The following DMD variants were observed in gnomAD, a reference collection of about 807,000 sequenced individuals.
DMD encodes dystrophin, also known as mutant dystrophin.
DMD carries 63 observed loss-of-function variants against 330.1 expected under a neutral mutation model. The observed-to-expected ratio is 0.19, with a 90% CI of 0.16 to 0.24. The LOEUF is 0.24. Ranked by LOEUF, DMD falls within the 10% of genes least tolerant of loss-of-function variation. The pLI is 1.00. For missense variants in DMD, 3,344 were observed against 2,684.1 expected (o/e 1.25, Z -5.43); for synonymous variants, 1,223 against 959.8 (o/e 1.27, Z -5.07).
chrX:31,201,650 C>A (rs963493656), intron 67 of DMD, among the ~76,000 whole-genome samples: 2 of 111,764 alleles, frequency 1.8e-5, no homozygotes, highest in Non-Finnish European at 1.9e-5. Context: ...TGTATGGCCA[C>A]CGCTTATCCT....
At chrX:32,110,913 A>G (rs1242157454) in intron 44 of DMD, among the ~76,000 whole-genome samples, 2 of 112,041 alleles carry the variant, frequency 1.8e-5, no homozygotes, top group African/African-American at 3.2e-5. Flanking sequence ...AGCATCTCCT[A>G]GAATATTACA....
chrX:32,580,217 C>G (rs1036432985), intron 13 of DMD, among the ~76,000 whole-genome samples: 1 of 111,353 alleles, frequency 9.0e-6, no homozygotes, highest in Non-Finnish European at 1.9e-5. Context: ...CTCGCAGACT[C>G]TGAGCTCCTT....
At chrX:32,087,556 G>A (rs923925080) in intron 44 of DMD, among the ~76,000 whole-genome samples, 7 of 111,717 alleles carry the variant, frequency 6.3e-5, no homozygotes, top group African/African-American at 1.3e-4. Context: ...CGTGTTGTGC[G>A]TTGGAATTTT....
chrX:31,438,712 G>T (rs2064719845), intron 60 of DMD, among the ~76,000 whole-genome samples: 1 of 110,943 alleles, frequency 9.0e-6, no homozygotes, highest in South Asian at 3.8e-4. Context: ...AGAGCAGATG[G>T]CTAGGCTCTC....
At chrX:31,517,585 T>C (rs2072348604) in intron 55 of DMD, among the ~76,000 whole-genome samples, 1 of 110,770 alleles carries the variant, frequency 9.0e-6, no homozygotes, top group Admixed American at 9.7e-5. Flanking sequence ...TGGTAATGAT[T>C]ATTGGGAGGA....
At chrX:31,289,995 A>G (rs2053571256) in intron 62 of DMD, among the ~76,000 whole-genome samples, 1 of 107,675 alleles carries the variant, frequency 9.3e-6, no homozygotes, top group African/African-American at 3.4e-5. Flanking sequence ...ATCTCTGCTC[A>G]CTGCAACCTC....
chrX:31,491,997 AG>A (rs1344708077), intron 57 of DMD, among the ~76,000 whole-genome samples: 1 of 112,264 alleles, frequency 8.9e-6, no homozygotes, highest in African/African-American at 3.2e-5. Flanking sequence ...CCCCATAAAA[AG>A]CATCAGCAAA....
chrX:31,783,283 G>T (rs1249319536), intron 50 of DMD, among the ~76,000 whole-genome samples: 1 of 111,905 alleles, frequency 8.9e-6, no homozygotes, highest in Non-Finnish European at 1.9e-5. Context: ...CTACCTGAAT[G>T]TTAGAGACAA....
At chrX:31,724,486 T>G (rs1603451605) in intron 52 of DMD, among the ~76,000 whole-genome samples, 1 of 112,023 alleles carries the variant, frequency 8.9e-6, no homozygotes, top group East Asian at 2.8e-4. Flanking sequence ...TGTGAATTCC[T>G]TTTCTTAAAA....
intron 7 of DMD, among the ~76,000 whole-genome samples, chrX:32,808,056 G>A (rs2077085934): frequency 9.0e-6 from 1 of 111,576 alleles, no homozygotes; most frequent in South Asian, 3.7e-4. Flanking sequence ...CTACCTCACT[G>A]AACTAAGAGA....
intron 7 of DMD, among the ~76,000 whole-genome samples, chrX:32,746,927 T>G (rs964607253): frequency 8.9e-6 from 1 of 111,758 alleles, no homozygotes; most frequent in Admixed American, 9.6e-5. Context: ...GAAATCAAAC[T>G]TTTTAGCTCT....
chrX:31,210,580 A>G (rs777369903), intron 64 of DMD, among the ~76,000 whole-genome samples: 2 of 112,131 alleles, frequency 1.8e-5, no homozygotes, highest in Non-Finnish European at 3.8e-5. Flanking sequence ...ACACAACAAC[A>G]TTGCTTTTAT....
chrX:32,554,677 T>A (rs1230350947), intron 16 of DMD, among the ~76,000 whole-genome samples: 2 of 107,148 alleles, frequency 1.9e-5, no homozygotes, highest in African/African-American at 6.7e-5. Flanking sequence ...ATAGCTGAAT[T>A]CTACTAGCGG....
intron 74 of DMD, among the ~76,000 whole-genome samples, chrX:31,158,131 C>T (rs141231637): frequency 0.054 from 5,995 of 111,063 alleles, 265 homozygotes; most frequent in African/African-American, 0.13. Flanking sequence ...AAATAATTAC[C>T]GGTACTTGTA....
intron 44 of DMD, among the ~76,000 whole-genome samples, chrX:32,037,105 A>G (rs1360032488): frequency 8.9e-6 from 1 of 112,087 alleles, no homozygotes; most frequent in African/African-American, 3.2e-5. Context: ...TCTGTAAAGG[A>G]AAGTCAAGAG....
At chrX:31,986,274 ATATT>A (rs1284396395) in intron 44 of DMD, among the ~76,000 whole-genome samples, 1 of 112,198 alleles carries the variant, frequency 8.9e-6, no homozygotes, top group Admixed American at 9.5e-5. Flanking sequence ...CATCAATAAA[ATATT>A]AAATAAAAGA....
At chrX:33,232,618 C>T (rs143175002) in intron 1 of DMD, among the ~76,000 whole-genome samples, 451 of 111,563 alleles carry the variant, frequency 4.0e-3, no homozygotes, top group South Asian at 0.017. Context: ...GAGCCAGGTG[C>T]GGAGTCTCAC....
intron 18 of DMD, among the ~76,000 whole-genome samples, chrX:32,504,204 A>G (rs1203900175): frequency 8.9e-6 from 1 of 112,519 alleles, no homozygotes; most frequent in Non-Finnish European, 1.9e-5. Context: ...CAATTTATTT[A>G]CTTTCATGTT....
Position 32,848,267 on chromosome X carries a change from G to A in DMD, c.186+1461C>T, listed in dbSNP as rs1317620415. 4.5e-5 allele frequency among the ~76,000 whole-genome samples: 5 copies of A among 111,677 alleles called. No homozygotes were observed. The East Asian group carries it at 1.4e-3, about 31-fold the overall frequency. On this transcript the variant is annotated intron_variant, in intron 3 of 78. Transcript: ENST00000357033. ...ACTTCTGTATTCGGTAACAAAGTAG[G>A]ACTGACTTCAGAATACAGGAGAAAC... is the stretch of plus-strand genomic sequence containing the variant.
Sources: allele counts gnomAD v4.1 joint callset (sites outside exome capture counted in the v4.1 genomes callset), GRCh38; gene constraint gnomAD v4.1.1; transcripts MANE v1.5; gene names NCBI Gene and HGNC (gene_info 2026-07-23, HGNC 2026-07-21).